MAD1L1: variants seen among roughly 807,000 people sequenced by gnomAD.
MAD1L1 encodes the protein mitotic spindle assembly checkpoint protein MAD1.
A neutral mutation model predicts 96.9 loss-of-function variants in MAD1L1; 95 were observed. That is an observed-to-expected ratio of 0.98 (90% CI 0.83 to 1.16). The LOEUF is 1.16. Among genes scored for constraint, MAD1L1 ranks in the 50% most tolerant of loss-of-function variants. The pLI is 0.00. For missense variants in MAD1L1, 1,007 were observed against 954.4 expected (o/e 1.06, Z -0.73); for synonymous variants, 473 against 396.6 (o/e 1.19, Z -2.29).
intron 17 of MAD1L1, among the ~76,000 whole-genome samples, chr7:1,899,010 C>T (rs1467929258): frequency 6.6e-6 from 1 of 152,222 alleles, no homozygotes; most frequent in Non-Finnish European, 1.5e-5. Context: ...GTTCCGGATC[C>T]TACTGCCCCG....
intron 18 of MAD1L1, among the ~76,000 whole-genome samples, chr7:1,880,286 G>A (rs985018229): frequency 2.0e-5 from 3 of 152,164 alleles, no homozygotes; most frequent in African/African-American, 7.2e-5. Context: ...GACCCAGGCT[G>A]GGCAGATGGG....
chr7:1,933,266 G>A (rs73290512), intron 17 of MAD1L1, among the ~76,000 whole-genome samples: 5,837 of 152,248 alleles, frequency 0.038, 239 homozygotes, highest in African/African-American at 0.096. Flanking sequence ...CGTCTGCCAC[G>A]GTTTTCCCCA....
At chr7:2,135,353 A>G (rs879645509) in intron 11 of MAD1L1, among the ~76,000 whole-genome samples, 3 of 152,258 alleles carry the variant, frequency 2.0e-5, no homozygotes, top group Non-Finnish European at 4.4e-5. Flanking sequence ...AGATTTGTAA[A>G]AAGTAAAAAA....
chr7:1,997,202 C>T (rs1242645074), intron 14 of MAD1L1, among the ~76,000 whole-genome samples: 8 of 152,196 alleles, frequency 5.3e-5, no homozygotes, highest in Non-Finnish European at 7.3e-5. Flanking sequence ...TCTTTTTTCT[C>T]TCTTTTCTCA....
chr7:2,009,955 C>A (rs1345547970), intron 13 of MAD1L1, among the ~76,000 whole-genome samples: 1 of 152,066 alleles, frequency 6.6e-6, no homozygotes, highest in Non-Finnish European at 1.5e-5. Flanking sequence ...GCCAGCACCT[C>A]GCGATTCCCA....
chr7:2,105,142 T>C lies in MAD1L1; in HGVS notation c.1074-35804A>G, dbSNP rs1273959424. Among the ~76,000 whole-genome samples, 3 of 152,102 alleles carry C rather than the reference T, an allele frequency of 2.0e-5. No homozygotes were observed. The East Asian group carries it at 5.8e-4, about 30-fold the overall frequency. ...TGTGCCTCTGCAGCCCGGGAGAGCC[T>C]CACTCTCTGAGGCCACAAACACCGC... On this transcript the variant is annotated intron_variant, in intron 11 of 18. Transcript: ENST00000265854.
chr7:2,005,829 A>G (rs1782006890), intron 13 of MAD1L1, among the ~76,000 whole-genome samples: 1 of 152,148 alleles, frequency 6.6e-6, no homozygotes, highest in Non-Finnish European at 1.5e-5. Flanking sequence ...ATGTAAAACA[A>G]AACAAAAAAA....
chr7:1,866,459 CA>C (rs35613646), intron 18 of MAD1L1, among the ~76,000 whole-genome samples: 99,365 of 152,052 alleles, frequency 0.65, 32,940 homozygotes, highest in South Asian at 0.77. Flanking sequence ...AGGGCTGAAG[CA>C]AGAGATGAGA....
Position 1,964,959 on chromosome 7 carries a change from C to T in MAD1L1, c.1506-7240G>A, listed in dbSNP as rs1396510342. On this transcript the variant is annotated intron_variant, in intron 15 of 18. Coordinates refer to ENST00000265854, the MANE Select transcript of MAD1L1 (RefSeq NM_001013836.2). ...GCATCCAGTCCAGGAAGCCCCTCACCCAGGCCAGCCTCCCACGGGTCCCAG... is the reference window on the plus strand; with the variant it reads ...GCATCCAGTCCAGGAAGCCCCTCACTCAGGCCAGCCTCCCACGGGTCCCAG... Among the ~76,000 whole-genome samples the T allele has an allele frequency of 2.0e-5, 3 of 152,364 alleles. No homozygotes were observed. The East Asian group carries it at 5.8e-4, about 29-fold the overall frequency.
At chr7:2,174,457 T>C (rs1790854035) in intron 10 of MAD1L1, among the ~76,000 whole-genome samples, 1 of 152,216 alleles carries the variant, frequency 6.6e-6, no homozygotes, top group Non-Finnish European at 1.5e-5. Flanking sequence ...GGTGGCTCCT[T>C]CAGTCTAGAA....
rs545207644 is a variant in MAD1L1 at position 1,893,493 on chromosome 7, C to T, written c.1998+4707G>A. On this transcript the variant is annotated intron_variant, in intron 18 of 18. Transcript: ENST00000265854. ...CCAGGAGGCTGGGGTTTGGCGAGAT[C>T]TTTCAGGAGCACGGGAGCCACGTAT... Among the ~76,000 whole-genome samples, 9 of 152,262 alleles carry T rather than the reference C, an allele frequency of 5.9e-5. No homozygotes were observed. In the South Asian group the frequency reaches 1.9e-3, roughly 32 times the overall value.
chr7:2,123,304 CAAA>C (rs56201563), intron 11 of MAD1L1, among the ~76,000 whole-genome samples: 3 of 108,730 alleles, frequency 2.8e-5, no homozygotes, highest in Non-Finnish European at 3.7e-5. Context: ...GACTCCATCT[CAAA>C]AAAAAAAAAA....
chr7:2,000,474 C>T (rs1306866485), intron 14 of MAD1L1, among the ~76,000 whole-genome samples: 2 of 152,222 alleles, frequency 1.3e-5, no homozygotes, highest in African/African-American at 4.8e-5. Context: ...TACCAACCAC[C>T]GCGGACCCCG....
At chr7:1,936,355 G>A (rs137947618) in intron 17 of MAD1L1, among the ~76,000 whole-genome samples, 17 of 152,358 alleles carry the variant, frequency 1.1e-4, no homozygotes, top group African/African-American at 3.6e-4. Flanking sequence ...ACTTGTTTTC[G>A]TGGAGGACTG....
intron 3 of MAD1L1, among the ~76,000 whole-genome samples, chr7:2,225,863 T>C (rs1176266571): frequency 6.6e-6 from 1 of 152,222 alleles, no homozygotes; most frequent in Non-Finnish European, 1.5e-5. Flanking sequence ...CAGACGTAGG[T>C]GGCTGCATTC....
At chr7:2,095,038 T>C (rs1786412071) in intron 11 of MAD1L1, among the ~76,000 whole-genome samples, 1 of 152,104 alleles carries the variant, frequency 6.6e-6, no homozygotes, top group East Asian at 1.9e-4. Flanking sequence ...TATATATATA[T>C]ATATCTCCCC....
At chr7:2,113,895 C>G (rs971102219) in intron 11 of MAD1L1, among the ~76,000 whole-genome samples, 5 of 152,168 alleles carry the variant, frequency 3.3e-5, no homozygotes, top group African/African-American at 4.8e-5. Flanking sequence ...GGCGGGGTCA[C>G]GACGACAGGA....
At chr7:1,821,156 GA>G (rs1210737415) in intron 18 of MAD1L1, among the ~76,000 whole-genome samples, 1 of 150,212 alleles carries the variant, frequency 6.7e-6, no homozygotes, top group African/African-American at 2.5e-5. Context: ...AATAGATCCA[GA>G]AGCTATTAAA....
chr7:1,868,236 C>A (rs914313931), intron 18 of MAD1L1, among the ~76,000 whole-genome samples: 2 of 152,200 alleles, frequency 1.3e-5, no homozygotes, highest in Non-Finnish European at 2.9e-5. Flanking sequence ...GGGAGCCAAG[C>A]CCCACCTGCT....
Sources: allele counts gnomAD v4.1 joint callset (sites outside exome capture counted in the v4.1 genomes callset), GRCh38; gene constraint gnomAD v4.1.1; transcripts MANE v1.5; gene names NCBI Gene and HGNC (gene_info 2026-07-23, HGNC 2026-07-21).